PDE1C: variants seen among roughly 807,000 people sequenced by gnomAD.
PDE1C encodes dual specificity calcium/calmodulin-dependent 3',5'-cyclic nucleotide phosphodiesterase 1C.
In PDE1C, 62 loss-of-function variants were observed where a neutral mutation model predicts 93.1. That is an observed-to-expected ratio of 0.67 (90% CI 0.54 to 0.82). The LOEUF is 0.82. Ranked by LOEUF, PDE1C falls within the 40% of genes least tolerant of loss-of-function variation. The probability of loss-of-function intolerance (pLI) is 0.00; values close to 1 mark genes in which losing one functional copy is unlikely to be tolerated. For missense variants in PDE1C, 742 were observed against 884.6 expected (o/e 0.84, Z 2.04); for synonymous variants, 325 against 310.1 (o/e 1.05, Z -0.50).
At chr7:32,316,748 T>C (rs1354053297) in intron 1 of PDE1C, among the ~76,000 whole-genome samples, 1 of 152,166 alleles carries the variant, frequency 6.6e-6, no homozygotes, top group African/African-American at 2.4e-5. Context: ...AGAAAGCAGT[T>C]ATAGTTGGCA....
chr7:31,746,069 T>C, the PDE1C span, among the ~76,000 whole-genome samples: 1,073 of 143,498 alleles, frequency 7.5e-3, 10 homozygotes, highest in African/African-American at 0.026. Flanking sequence ...GACAAACTTC[T>C]CCAACAGTGG....
intron 2 of PDE1C, among the ~76,000 whole-genome samples, chr7:31,987,571 G>T (rs564177112): frequency 2.0e-5 from 3 of 152,022 alleles, no homozygotes; most frequent in East Asian, 2.0e-4. Context: ...CTGAGTCCTA[G>T]CTCTGAAAAG....
chr7:32,026,201 T>G (rs1180054998), intron 2 of PDE1C, among the ~76,000 whole-genome samples: 1 of 152,096 alleles, frequency 6.6e-6, no homozygotes, highest in Non-Finnish European at 1.5e-5. Context: ...TGAACTGAAT[T>G]TTTTCTGGCT....
At chr7:32,081,468 C>T (rs1158523208) in intron 3 of PDE1C, among the ~76,000 whole-genome samples, 1 of 152,208 alleles carries the variant, frequency 6.6e-6, no homozygotes, top group African/African-American at 2.4e-5. Flanking sequence ...CCCACTGCAT[C>T]CTGCCCTGAA....
intron 2 of PDE1C, among the ~76,000 whole-genome samples, chr7:32,014,429 T>C (rs1471264024): frequency 6.6e-6 from 1 of 152,184 alleles, no homozygotes; most frequent in Non-Finnish European, 1.5e-5. Context: ...TCAAGAACTT[T>C]TATTTACTGT....
At chr7:31,884,623 G>A (rs1797659029) in intron 2 of PDE1C, among the ~76,000 whole-genome samples, 1 of 152,126 alleles carries the variant, frequency 6.6e-6, no homozygotes, top group Non-Finnish European at 1.5e-5. Flanking sequence ...ATTCTGTTGA[G>A]CTTTAGCATA....
At chr7:32,320,928 GTGAGACTCAAAATAAAA>G (rs1342712191) in intron 1 of PDE1C, among the ~76,000 whole-genome samples, 1 of 152,160 alleles carries the variant, frequency 6.6e-6, no homozygotes, top group Non-Finnish European at 1.5e-5. Flanking sequence ...GAGGAGTAAA[GTGAGACTCAAAATAAAA>G]TGTGCATCAC....
the PDE1C span, chr7:31,651,152 A>C: frequency 6.2e-7 from 1 of 1,613,324 alleles, no homozygotes; most frequent in Non-Finnish European, 8.5e-7. Context: ...TGCACAGTCC[A>C]TGAGATGGAA....
intron 3 of PDE1C, among the ~76,000 whole-genome samples, chr7:31,879,924 G>T (rs1287884287): frequency 6.6e-6 from 1 of 151,420 alleles, no homozygotes; most frequent in African/African-American, 2.4e-5. Context: ...TTTTCCTTTA[G>T]ACTTACCAAT....
chr7:32,422,728 C>T (rs963967222), intron 1 of PDE1C, among the ~76,000 whole-genome samples: 15 of 152,204 alleles, frequency 9.9e-5, no homozygotes, highest in African/African-American at 2.6e-4. Flanking sequence ...GTTTAACTTT[C>T]GCATTGGTCA....
intron 1 of PDE1C, among the ~76,000 whole-genome samples, chr7:32,402,693 A>T: frequency 6.6e-6 from 1 of 152,178 alleles, no homozygotes; most frequent in East Asian, 1.9e-4. Context: ...TTAACACATA[A>T]AATTCACCAT....
chr7:31,971,847 C>T (rs903551999), intron 2 of PDE1C, among the ~76,000 whole-genome samples: 1 of 152,228 alleles, frequency 6.6e-6, no homozygotes, highest in African/African-American at 2.4e-5. Flanking sequence ...TCTCTCATAG[C>T]TCCTTTACCC....
chr7:32,314,923 T>C (rs1352012146), intron 1 of PDE1C, among the ~76,000 whole-genome samples: 1 of 151,224 alleles, frequency 6.6e-6, no homozygotes, highest in African/African-American at 2.4e-5. Flanking sequence ...AATTGGACAA[T>C]AAATATGTTC....
chr7:31,740,418 C>G, the PDE1C span, among the ~76,000 whole-genome samples: 1 of 152,116 alleles, frequency 6.6e-6, no homozygotes, highest in African/African-American at 2.4e-5. Context: ...CTAAGTAAGA[C>G]TTTTAGTGCA....
At chr7:31,644,830 G>A in the PDE1C span, among the ~76,000 whole-genome samples, 1 of 152,208 alleles carries the variant, frequency 6.6e-6, no homozygotes, top group Non-Finnish European at 1.5e-5. Flanking sequence ...CTGGCACAGA[G>A]AATATAGGTT....
intron 3 of PDE1C, among the ~76,000 whole-genome samples, chr7:32,163,156 G>A (rs1802025161): frequency 6.6e-6 from 1 of 152,180 alleles, no homozygotes. Flanking sequence ...TTTCCAATGG[G>A]TGAGCAACAC....
chr7:31,977,243 AAG>A (rs1194976485), intron 2 of PDE1C, among the ~76,000 whole-genome samples: 3 of 152,126 alleles, frequency 2.0e-5, no homozygotes, highest in Non-Finnish European at 4.4e-5. Flanking sequence ...TAAGAAGAGG[AAG>A]AGAGACCTGA....
intron 6 of PDE1C, among the ~76,000 whole-genome samples, chr7:31,872,573 A>T (rs1796073569): frequency 6.6e-6 from 1 of 152,146 alleles, no homozygotes; most frequent in East Asian, 1.9e-4. Flanking sequence ...GAAAATAAAG[A>T]ACCACATCTC....
At chr7:32,139,247 C>T (rs58914015) in intron 3 of PDE1C, among the ~76,000 whole-genome samples, 18,880 of 151,062 alleles carry the variant, frequency 0.12, 2,110 homozygotes, top group African/African-American at 0.3. Context: ...GTGATCCTCC[C>T]GCCTCAGCCT....
Sources: gnomAD v4.1 joint callset for allele counts (sites outside exome capture counted in the v4.1 genomes callset) on GRCh38, gnomAD v4.1.1 for gene constraint, MANE v1.5 for transcripts, NCBI Gene and HGNC (gene_info 2026-07-23, HGNC 2026-07-21) for gene names.